The following HDAC4 variants were observed in gnomAD, a reference collection of about 807,000 sequenced individuals.
HDAC4 encodes the protein histone deacetylase A.
Under a neutral mutation model 135.1 loss-of-function variants are expected in HDAC4, and 16 were observed. That is an observed-to-expected ratio of 0.12 (90% CI 0.08 to 0.18). The LOEUF (loss-of-function observed/expected upper bound fraction) is 0.18, where lower values mean the gene tolerates loss of function less well. HDAC4 is among the 10% of genes least tolerant of loss of function. The pLI is 1.00. For synonymous variants in HDAC4, 685 were observed against 653.4 expected (o/e 1.05, Z -0.74); for missense variants, 1,143 against 1,511.8 (o/e 0.76, Z 4.05).
intron 13 of HDAC4, 93 bp downstream of exon 13, chr2:239,114,960 T>C: frequency 1.4e-6 from 2 of 1,480,494 alleles, no homozygotes; most frequent in South Asian, 2.3e-5. Context: ...AAGGATGCCC[T>C]GCAGCCCCCG....
At chr2:239,104,929 C>T (rs2037983674) in intron 15 of HDAC4, among the ~76,000 whole-genome samples, 1 of 152,246 alleles carries the variant, frequency 6.6e-6, no homozygotes, top group African/African-American at 2.4e-5. Flanking sequence ...AGGATCAAAG[C>T]CCCAAAAGCT....
At chr2:239,122,274 C>T (rs942954949) in intron 12 of HDAC4, among the ~76,000 whole-genome samples, 5 of 152,196 alleles carry the variant, frequency 3.3e-5, no homozygotes, top group African/African-American at 1.2e-4. Flanking sequence ...GAAGAACCAC[C>T]TTGAGAAGCA....
At chr2:239,057,071 A>G (rs2031966131) in intron 24 of HDAC4, among the ~76,000 whole-genome samples, 1 of 152,232 alleles carries the variant, frequency 6.6e-6, no homozygotes, top group African/African-American at 2.4e-5. Context: ...ACATCCAAAT[A>G]CATTCTGGAG....
chr2:239,376,137 T>C (rs1694988087), intron 1 of HDAC4, among the ~76,000 whole-genome samples: 1 of 151,546 alleles, frequency 6.6e-6, no homozygotes, highest in African/African-American at 2.4e-5. Flanking sequence ...AGGTGCTGTG[T>C]GCTCACAACC....
intron 3 of HDAC4, among the ~76,000 whole-genome samples, chr2:239,201,443 G>A (rs1427092999): frequency 1.3e-5 from 2 of 152,198 alleles, no homozygotes; most frequent in East Asian, 1.9e-4. Flanking sequence ...CCGACCCCTC[G>A]GCCTGCTCTG....
intron 12 of HDAC4, among the ~76,000 whole-genome samples, chr2:239,124,732 T>C (rs13000134): frequency 1.4e-3 from 59 of 43,580 alleles, no homozygotes; most frequent in East Asian, 2.4e-3. Flanking sequence ...TGCTGGCGTG[T>C]GGCTGCGTTA....
intron 3 of HDAC4, among the ~76,000 whole-genome samples, chr2:239,197,353 G>A (rs1261131798): frequency 6.6e-6 from 1 of 152,166 alleles, no homozygotes; most frequent in Admixed American, 6.5e-5. Context: ...TCTCTCTCCG[G>A]GTATCTATAA....
rs2041196509 is a variant in HDAC4 at position 239,139,426 on chromosome 2, GA to G, written c.978+257del. Among the ~76,000 whole-genome samples the G allele has an allele frequency of 6.6e-6, 1 of 152,156 alleles. No individual in the cohort carries two copies. On this transcript the variant is annotated intron_variant, in intron 9 of 26. Coordinates refer to ENST00000543185, the MANE Select transcript of HDAC4 (RefSeq NM_001378414.1). The surrounding 1 kb of genome is among the most constrained non-coding windows in gnomAD (Gnocchi z 5.3). ...ACATCTGCTCTGGAAGAGGTCAGGAGAAAGGACCAGGCTCAGGGCTGTCCCC... is the reference window on the plus strand; with the variant it reads ...ACATCTGCTCTGGAAGAGGTCAGGAGAAGGACCAGGCTCAGGGCTGTCCCC...
At chr2:239,080,633 C>A (rs971823701) in intron 22 of HDAC4, among the ~76,000 whole-genome samples, 1 of 152,044 alleles carries the variant, frequency 6.6e-6, no homozygotes, top group African/African-American at 2.4e-5. Context: ...CACAGCCACA[C>A]GAAGGAAATG....
intron 4 of HDAC4, among the ~76,000 whole-genome samples, chr2:239,188,058 A>G (rs79768083): frequency 0.012 from 1,903 of 152,344 alleles, 46 homozygotes; most frequent in African/African-American, 0.044. Flanking sequence ...AGAGCCCGCA[A>G]GCAGCCCCTC....
chr2:239,364,533 G>A (rs901470514), intron 1 of HDAC4, among the ~76,000 whole-genome samples: 2 of 151,974 alleles, frequency 1.3e-5, no homozygotes, highest in South Asian at 2.1e-4. Context: ...GGTGGGGGAC[G>A]GCCACTGAAG....
At chr2:239,156,328 C>G (rs2042421589) in intron 7 of HDAC4, among the ~76,000 whole-genome samples, 2 of 152,204 alleles carry the variant, frequency 1.3e-5, no homozygotes, top group African/African-American at 4.8e-5. Flanking sequence ...CTTGCTTCAC[C>G]CTGTGACCAC....
chr2:239,279,436 G>C (rs1392006883), intron 2 of HDAC4, among the ~76,000 whole-genome samples: 1 of 152,236 alleles, frequency 6.6e-6, no homozygotes, highest in Admixed American at 6.5e-5. Flanking sequence ...AAGGTTCAAA[G>C]AAACTAAGTA....
chr2:239,385,051 G>A (rs530272317), intron 1 of HDAC4, among the ~76,000 whole-genome samples: 13 of 152,302 alleles, frequency 8.5e-5, no homozygotes, highest in Admixed American at 5.9e-4. Flanking sequence ...TTCCATGGAA[G>A]AGCCCTTCCC....
chr2:239,346,745 GAC>G (rs1410903626), intron 2 of HDAC4, among the ~76,000 whole-genome samples: 3 of 118,328 alleles, frequency 2.5e-5, no homozygotes, highest in South Asian at 5.8e-4. Flanking sequence ...AACACACCCT[GAC>G]ACACACACCC....
intron 3 of HDAC4, among the ~76,000 whole-genome samples, chr2:239,199,650 C>T (rs948003133): frequency 2.6e-5 from 4 of 152,122 alleles, no homozygotes; most frequent in South Asian, 4.1e-4. Context: ...GTGGTTGGAT[C>T]GGGCGGCCCT....
In HDAC4 at chr2:239,159,088, TCA is replaced by T. The variant is rs751499287; in HGVS notation, c.612-2317_612-2316del. Among the ~76,000 whole-genome samples, 8 of 143,014 alleles carry T rather than the reference TCA, an allele frequency of 5.6e-5. No individual in the cohort carries two copies. The South Asian group carries it at 9.0e-4, about 16-fold the overall frequency. 93.8% of individuals were successfully genotyped at this position (143,014 alleles called of 152,430 possible). On this transcript the variant is annotated intron_variant, in intron 6 of 26. Coordinates refer to ENST00000543185, the MANE Select transcript of HDAC4 (RefSeq NM_001378414.1). ...GCATCTCACTACTCACCTCCACACC[TCA>T]CACACACACACCCGCACTTCACAAT...
At chr2:239,378,236 T>C (rs1695165055) in intron 1 of HDAC4, among the ~76,000 whole-genome samples, 1 of 152,078 alleles carries the variant, frequency 6.6e-6, no homozygotes, top group Admixed American at 6.5e-5. Context: ...GGGGACTTCC[T>C]TCCTTCCTGG....
rs1449991325 is a variant in HDAC4, at chr2:239,309,895, C to T, written c.22+42783G>A. Reference sequence around the variant, plus strand: ...AGGGTGTTCTGGAAGCTGCCCCCTCCCATGCTGCTGCCTGGTCCCATGGGG... The same window carrying T: ...AGGGTGTTCTGGAAGCTGCCCCCTCTCATGCTGCTGCCTGGTCCCATGGGG... On this transcript the variant is annotated intron_variant, in intron 2 of 26. Transcript: ENST00000543185. The surrounding 1 kb of genome is among the most constrained non-coding windows in gnomAD (Gnocchi z 4.2). Among the ~76,000 whole-genome samples the T allele has an allele frequency of 6.6e-6, 1 of 152,242 alleles. No individual in the cohort carries two copies.
Sources: allele counts gnomAD v4.1 joint callset (sites outside exome capture counted in the v4.1 genomes callset), GRCh38; gene constraint gnomAD v4.1.1; non-coding constraint Gnocchi (gnomAD v3.1); transcripts MANE v1.5; gene names NCBI Gene and HGNC (gene_info 2026-07-23, HGNC 2026-07-21).